Variants in ELFN2 observed in about 807,000 individuals in gnomAD.
The protein encoded by ELFN2 is extracellular leucine rich repeat and fibronectin type III domain containing 2.
In ELFN2, 17 loss-of-function variants were observed where a neutral mutation model predicts 45.5. The observed-to-expected ratio is 0.37, with a 90% CI of 0.26 to 0.56. The LOEUF (loss-of-function observed/expected upper bound fraction) is 0.56, where lower values mean the gene tolerates loss of function less well. ELFN2 is among the 20% of genes least tolerant of loss of function. The pLI is 0.77. For synonymous variants in ELFN2, 550 were observed against 551.5 expected (o/e 1.00, Z 0.04); for missense variants, 922 against 1,183.2 (o/e 0.78, Z 3.24).
chr22:37,374,278 C>T lies in ELFN2; in HGVS notation c.1257G>A (p.Leu419=). The T allele has an allele frequency of 6.2e-7, 1 of 1,614,044 alleles. No individual in the cohort carries two copies. Among genetic ancestry groups the T allele is most frequent in the East Asian group, 2.2e-5 (1 of 44,876 alleles). ...VIVLGAVYYC[L]RKRRMQEEKQ... ...TCTCCTCCTGCATGCGCCGCTTGCGCAGGCAGTAGTACACGGCTCCCAGCA... is the reference window on the plus strand; with the variant it reads ...TCTCCTCCTGCATGCGCCGCTTGCGTAGGCAGTAGTACACGGCTCCCAGCA... The change falls in exon 3 of 3, where the codon CTG becomes CTA. Residue 419 remains leucine (L), a synonymous_variant. Transcript: ENST00000402918.
At chr22:37,341,108 G>A (rs888932743) in intron 2 of ELFN2, 2 of 152,464 alleles carry the variant, frequency 1.3e-5, no homozygotes, top group African/African-American at 4.8e-5. Context: ...GACCATGAGG[G>A]GCACCCACCG....
At chr22:37,426,337 C>T (rs1037821460) in intron 1 of ELFN2, among the ~76,000 whole-genome samples, 1 of 145,890 alleles carries the variant, frequency 6.9e-6, no homozygotes, top group Non-Finnish European at 1.5e-5. Context: ...CCCGAGTGTG[C>T]ATGCACACGC....
At chr22:37,343,928 G>A (rs907358658) in intron 1 of ELFN2, among the ~76,000 whole-genome samples, 4 of 151,744 alleles carry the variant, frequency 2.6e-5, no homozygotes, top group Admixed American at 2.0e-4. Context: ...AGGCCAGGCC[G>A]CTGTCAAAGA....
chr22:37,395,567 T>C (rs1243365851), intron 2 of ELFN2, among the ~76,000 whole-genome samples: 3 of 152,216 alleles, frequency 2.0e-5, no homozygotes, highest in Non-Finnish European at 2.9e-5. Flanking sequence ...TCAGGGGCAC[T>C]CTAGGGAGAG....
intron 2 of ELFN2, among the ~76,000 whole-genome samples, chr22:37,398,396 C>T (rs1932274661): frequency 6.6e-6 from 1 of 152,056 alleles, no homozygotes; most frequent in Non-Finnish European, 1.5e-5. Context: ...GAAAGCAAAC[C>T]TCTCACCCTT....
chr22:37,357,819 C>A (rs190718315), intron 1 of ELFN2, among the ~76,000 whole-genome samples: 33 of 152,348 alleles, frequency 2.2e-4, no homozygotes, highest in African/African-American at 7.0e-4. Flanking sequence ...ATGATACCCA[C>A]TGAAGTCTGA....
Position 37,356,194 on chromosome 22 carries a change from G to A in ELFN2, n.149-13491C>T, listed in dbSNP as rs189205815. On this transcript the variant is annotated intron_variant and non_coding_transcript_variant, in intron 1 of 2. Transcript: ENST00000452946. Reference sequence around the variant, plus strand: ...TCTAGGACCTCCTGAGCAATGTGGGGTGCTTCTCTGAAGGACTAGAGGCTG... The same window carrying A: ...TCTAGGACCTCCTGAGCAATGTGGGATGCTTCTCTGAAGGACTAGAGGCTG... Among the ~76,000 whole-genome samples the A allele has an allele frequency of 2.4e-3, 373 of 152,266 alleles. 1 individual carries two copies. The highest frequency in any genetic ancestry group is 8.2e-3 in the African/African-American group (342 of 41,542).
At chr22:37,390,122 T>A (rs1276029136) in intron 2 of ELFN2, among the ~76,000 whole-genome samples, 1 of 152,212 alleles carries the variant, frequency 6.6e-6, no homozygotes, top group Non-Finnish European at 1.5e-5. Context: ...ACTGGCCTCA[T>A]CTGTCAAATG....
In ELFN2 at chr22:37,396,076, C is replaced by T. The variant is rs78956866; in HGVS notation, c.-462-20080G>A. ...TCCAGCTAACCAGACATTCCACATC[C>T]GATGAGCACCTAGCCTAGGATTTCA... is the stretch of plus-strand genomic sequence containing the variant. On this transcript the variant is annotated intron_variant, in intron 2 of 2. Coordinates refer to ENST00000402918, the MANE Select transcript of ELFN2 (RefSeq NM_052906.5). Among the ~76,000 whole-genome samples the T allele has an allele frequency of 4.6e-3, 706 of 152,324 alleles. 7 individuals carry two copies. The highest frequency in any genetic ancestry group is 0.017 in the African/African-American group (692 of 41,568).
chr22:37,378,019 C>G (rs1931630804), intron 2 of ELFN2, among the ~76,000 whole-genome samples: 1 of 152,208 alleles, frequency 6.6e-6, no homozygotes, highest in Non-Finnish European at 1.5e-5. Flanking sequence ...GTCAGAGAAC[C>G]CTCGTCTGCT....
intron 2 of ELFN2, among the ~76,000 whole-genome samples, chr22:37,386,696 A>G (rs1327704662): frequency 6.6e-6 from 1 of 152,014 alleles, no homozygotes; most frequent in South Asian, 2.1e-4. Context: ...AGCCCCGGAA[A>G]CTCCCCGGGG....
chr22:37,373,590 C>T lies in ELFN2; in HGVS notation c.1945G>A (p.Asp649Asn), dbSNP rs781726017. The T allele has an allele frequency of 2.2e-5, 35 of 1,607,400 alleles. No individual in the cohort carries two copies. The highest frequency in any genetic ancestry group is 8.0e-5 in the African/African-American group (6 of 74,824). ...GCCAGCCCTGTGGCGGCCGGATGGT[C>T]GGGCACGTCCAGGCTAAAGACCTTG... ...SAKVFSLDVP[D>N]HPAATGLAKG... Residue 649 changes from aspartate to asparagine, a missense_variant, in exon 3 of 3, where the codon GAC becomes AAC. Transcript: ENST00000402918.
At chr22:37,367,385 C>T (rs1931229020), downstream of ELFN2, among the ~76,000 whole-genome samples, 1 of 152,212 alleles carries the variant, frequency 6.6e-6, no homozygotes, top group African/African-American at 2.4e-5. Flanking sequence ...AGAACCGCAG[C>T]AGATGGCGGG....
At chr22:37,411,912 A>T (rs1030655314) in intron 2 of ELFN2, among the ~76,000 whole-genome samples, 19 of 151,578 alleles carry the variant, frequency 1.3e-4, no homozygotes, top group African/African-American at 4.6e-4. Context: ...CCACCACCAA[A>T]CAGGCCTTCC....
At chr22:37,347,466 G>C (rs7511312) in intron 1 of ELFN2, among the ~76,000 whole-genome samples, 1 of 152,128 alleles carries the variant, frequency 6.6e-6, no homozygotes, top group African/African-American at 2.4e-5. Context: ...CACACCTCTG[G>C]CCGTGGAAGC....
downstream of ELFN2, among the ~76,000 whole-genome samples, chr22:37,366,345 G>A (rs1002552679): frequency 5.3e-5 from 8 of 152,236 alleles, no homozygotes; most frequent in African/African-American, 1.4e-4. Flanking sequence ...ACCCACCGGA[G>A]CAAAGCCATC....
At position 37,417,146 on chromosome 22, in the gene ELFN2, G is replaced by A. The variant is rs999219794; in HGVS notation, c.-463+623C>T. On this transcript the variant is annotated intron_variant, in intron 2 of 2. Transcript: ENST00000402918. The surrounding 1 kb of genome is among the most constrained non-coding windows in gnomAD (Gnocchi z 4.5). ...AGCCTCTCCTCTCCTCTCCTCTCCA[G>A]GGCAGCCACCAGCCCCAGCCAGGAC... Among the ~76,000 whole-genome samples the A allele has an allele frequency of 6.6e-6, 1 of 151,420 alleles. No individual in the cohort carries two copies. Among genetic ancestry groups the A allele is most frequent in the Non-Finnish European group, 1.5e-5 (1 of 67,536 alleles).
At chr22:37,389,461 C>G (rs554849254) in intron 2 of ELFN2, among the ~76,000 whole-genome samples, 20 of 152,290 alleles carry the variant, frequency 1.3e-4, no homozygotes, top group Non-Finnish European at 7.4e-5. Flanking sequence ...CTGTCCCCAT[C>G]CCCTGGGCCG....
chr22:37,410,597 C>T (rs1365308855), intron 2 of ELFN2, among the ~76,000 whole-genome samples: 1 of 152,194 alleles, frequency 6.6e-6, no homozygotes, highest in East Asian at 1.9e-4. Flanking sequence ...CCCTCCCCTG[C>T]CATCAGCCCC....
Sources: gnomAD v4.1 joint callset for allele counts (sites outside exome capture counted in the v4.1 genomes callset) on GRCh38, gnomAD v4.1.1 for gene constraint, Gnocchi (gnomAD v3.1) non-coding constraint, MANE v1.5 for transcripts, NCBI Gene and HGNC (gene_info 2026-07-23, HGNC 2026-07-21) for gene names.